TMPRSS11E: variants seen among roughly 807,000 people sequenced by gnomAD.
The protein encoded by TMPRSS11E is transmembrane serine protease 11E, also known as transmembrane protease serine 11E.
TMPRSS11E carries 38 observed loss-of-function variants against 48.1 expected under a neutral mutation model. The ratio of observed to expected loss-of-function variants is 0.79; its 90% confidence interval spans 0.61 to 1.04. TMPRSS11E has a LOEUF of 1.04. TMPRSS11E is among the 50% of genes least tolerant of loss of function. The pLI is 0.00. For missense variants in TMPRSS11E, 530 were observed against 510.8 expected, an observed-to-expected ratio of 1.04 and a Z score of -0.36; for synonymous variants, 158 against 171.9, an observed-to-expected ratio of 0.92 and a Z score of 0.63.
intron 2 of TMPRSS11E, among the ~76,000 whole-genome samples, chr4:68,463,751 A>AATTTATC (rs1728855331): frequency 6.6e-6 from 1 of 152,184 alleles, no homozygotes; most frequent in Non-Finnish European, 1.5e-5. Context: ...GTGTGTCTAG[A>AATTTATC]ATTTATCAGA....
intron 1 of TMPRSS11E, among the ~76,000 whole-genome samples, chr4:68,456,236 T>C (rs538476105): frequency 3.3e-5 from 5 of 152,006 alleles, no homozygotes; most frequent in African/African-American, 1.2e-4. Context: ...GTCACGTAAG[T>C]TTTATGGTTG....
chr4:68,450,401 G>C (rs1183190140), intron 1 of TMPRSS11E, among the ~76,000 whole-genome samples: 1 of 151,904 alleles, frequency 6.6e-6, no homozygotes, highest in Admixed American at 6.6e-5. Flanking sequence ...TAGGCGGTTA[G>C]TAAGTGTCGA....
chr4:68,461,712 C>T (rs1239808631), intron 1 of TMPRSS11E, 109 bp from the exon 2 acceptor site: 2 of 1,541,528 alleles, frequency 1.3e-6, no homozygotes, highest in East Asian at 2.3e-5. Flanking sequence ...CCAGACAGTA[C>T]ACGACCCTCC....
intron 9 of TMPRSS11E, among the ~76,000 whole-genome samples, chr4:68,490,485 A>G (rs190455591): frequency 2.2e-4 from 34 of 152,280 alleles, no homozygotes; most frequent in Non-Finnish European, 3.5e-4. Flanking sequence ...TTTCCCACTC[A>G]GCTTCCTTTG....
At chr4:68,490,422 CT>C (rs1729683202) in intron 9 of TMPRSS11E, among the ~76,000 whole-genome samples, 1 of 151,980 alleles carries the variant, frequency 6.6e-6, no homozygotes, top group Admixed American at 6.5e-5. Context: ...TTAACCATGC[CT>C]CAGCAGACAT....
chr4:68,467,253 A>T (rs1236274117), intron 3 of TMPRSS11E, among the ~76,000 whole-genome samples: 1 of 152,074 alleles, frequency 6.6e-6, no homozygotes, highest in Non-Finnish European at 1.5e-5. Context: ...AAAATATTTA[A>T]CCTTCAACTA....
intron 1 of TMPRSS11E, among the ~76,000 whole-genome samples, chr4:68,451,912 T>A (rs550833364): frequency 6.6e-6 from 1 of 151,930 alleles, no homozygotes; most frequent in Non-Finnish European, 1.5e-5. Context: ...ACCCTCACAA[T>A]GTCTCCTTTG....
chr4:68,473,671 G>A (rs1246478756), intron 5 of TMPRSS11E, among the ~76,000 whole-genome samples: 1 of 152,084 alleles, frequency 6.6e-6, no homozygotes, highest in Admixed American at 6.6e-5. Flanking sequence ...CAAGGCCATT[G>A]TGAGTGTGAG....
chr4:68,475,604 C>A (rs1454185972), intron 6 of TMPRSS11E, among the ~76,000 whole-genome samples: 1 of 152,106 alleles, frequency 6.6e-6, no homozygotes, highest in Non-Finnish European at 1.5e-5. Flanking sequence ...AATATCTCTA[C>A]CTGAAGCACC....
At chr4:68,451,432 A>C (rs1016625158) in intron 1 of TMPRSS11E, among the ~76,000 whole-genome samples, 3 of 151,922 alleles carry the variant, frequency 2.0e-5, no homozygotes, top group Non-Finnish European at 4.4e-5. Context: ...TTCTTCTCCC[A>C]TGTACACACA....
intron 9 of TMPRSS11E, among the ~76,000 whole-genome samples, chr4:68,490,245 A>G (rs1209475025): frequency 6.6e-6 from 1 of 152,008 alleles, no homozygotes; most frequent in Non-Finnish European, 1.5e-5. Context: ...ATTTGTTCAG[A>G]GTGTGCCAGT....
intron 9 of TMPRSS11E, among the ~76,000 whole-genome samples, chr4:68,492,057 T>G (rs1729739754): frequency 6.6e-6 from 1 of 152,216 alleles, no homozygotes. Flanking sequence ...CACTTCATTT[T>G]GTTTCTTTTT....
intron 1 of TMPRSS11E, among the ~76,000 whole-genome samples, chr4:68,460,276 C>T (rs1407995680): frequency 6.6e-6 from 1 of 152,032 alleles, no homozygotes; most frequent in African/African-American, 2.4e-5. Context: ...TGACAGGGGC[C>T]AACATGATAA....
chr4:68,474,620 C>A (rs1729158738), intron 5 of TMPRSS11E, 103 bp from the exon 6 acceptor site: 1 of 1,037,562 alleles, frequency 9.6e-7, no homozygotes, highest in East Asian at 2.4e-5. Flanking sequence ...TCTAGAGATA[C>A]TGTTTTATAA....
At chr4:68,453,105 C>T (rs779980956) in intron 1 of TMPRSS11E, among the ~76,000 whole-genome samples, 10 of 151,882 alleles carry the variant, frequency 6.6e-5, no homozygotes, top group Admixed American at 1.3e-4. Flanking sequence ...CTTAGGCATA[C>T]GTGAGGCATC....
intron 9 of TMPRSS11E, among the ~76,000 whole-genome samples, chr4:68,483,147 T>TGATGCTGGCATTAACTTAGCTCCTAGG (rs1729455634): frequency 6.6e-6 from 1 of 152,214 alleles, no homozygotes; most frequent in Non-Finnish European, 1.5e-5. Context: ...ATAGTAAGCC[T>TGATGCTGGCATTAACTTAGCTCCTAGG]GATGCTGGCA....
At chr4:68,486,049 G>A (rs1221122072) in intron 9 of TMPRSS11E, among the ~76,000 whole-genome samples, 1 of 151,764 alleles carries the variant, frequency 6.6e-6, no homozygotes, top group Non-Finnish European at 1.5e-5. Context: ...TGTTAGTCTT[G>A]CTAGCAGTGT....
At chr4:68,453,855 T>A (rs1293677027) in intron 1 of TMPRSS11E, among the ~76,000 whole-genome samples, 1 of 151,796 alleles carries the variant, frequency 6.6e-6, no homozygotes, top group East Asian at 2.0e-4. Flanking sequence ...AGTCTCCTAC[T>A]ATTGTGCTGT....
At chr4:68,447,958 A>C (rs1012800811) in intron 1 of TMPRSS11E, among the ~76,000 whole-genome samples, 1 of 152,054 alleles carries the variant, frequency 6.6e-6, no homozygotes, top group African/African-American at 2.4e-5. Context: ...AAGTAGTTAA[A>C]AATTTAAAAA....
Sources: gnomAD v4.1 joint callset for allele counts (sites outside exome capture counted in the v4.1 genomes callset) on GRCh38, gnomAD v4.1.1 for gene constraint, MANE v1.5 for transcripts, NCBI Gene and HGNC (gene_info 2026-07-23, HGNC 2026-07-21) for gene names.